The following NOCT variants were observed in gnomAD, a reference collection of about 807,000 sequenced individuals.
The protein encoded by NOCT is CCR4 carbon catabolite repression 4-like.
NOCT carries 18 observed loss-of-function variants against 35.0 expected under a neutral mutation model. The ratio of observed to expected loss-of-function variants is 0.51; its 90% confidence interval spans 0.36 to 0.76. The LOEUF is 0.76. Among genes scored for constraint, NOCT ranks in the 30% least tolerant of loss-of-function variants. NOCT has a pLI of 0.01. For synonymous variants in NOCT, 235 were observed against 226.3 expected, an observed-to-expected ratio of 1.04 and a Z score of -0.34; for missense variants, 479 against 541.0, an observed-to-expected ratio of 0.89 and a Z score of 1.14.
intron 1 of NOCT, among the ~76,000 whole-genome samples, chr4:139,029,674 CGA>C (rs1451476729): frequency 6.6e-6 from 1 of 152,102 alleles, no homozygotes; most frequent in Non-Finnish European, 1.5e-5. Flanking sequence ...AGGCGGGTCT[CGA>C]GTTCCTGGGC....
intron 1 of NOCT, among the ~76,000 whole-genome samples, chr4:139,042,635 G>A (rs1451577065): frequency 6.6e-6 from 1 of 152,138 alleles, no homozygotes; most frequent in Non-Finnish European, 1.5e-5. Flanking sequence ...GGCTTTATAC[G>A]CCGGGCGTGG....
At position 139,045,409 on chromosome 4, in the gene NOCT, C is replaced by T. The variant is rs1726916296; in HGVS notation, c.1231C>T (p.Pro411Ser). ...GPNRLPSFNY[P>S]SDHLSLVCDF... ...CAACAGGTTACCTTCCTTCAATTAT[C>T]CTTCAGACCACCTGTCTCTAGTGTG... Residue 411 changes from proline (P) to serine (S), a missense_variant, in exon 3 of 3, where the codon CCT becomes TCT. Coordinates refer to ENST00000280614, the MANE Select transcript of NOCT (RefSeq NM_012118.4). The T allele has an allele frequency of 6.2e-7, 1 of 1,613,642 alleles. No homozygotes were observed. The highest frequency in any genetic ancestry group is 1.3e-5 in the African/African-American group (1 of 74,842).
At position 139,018,910 on chromosome 4, in the gene NOCT, T is replaced by C. The variant is rs559081085; in HGVS notation, c.190+2739T>C. ...TGGAAGAGATTACTATAAAGCGTTT[T>C]GTTTGGAAAAAGCAGGAGTAAATGC... On this transcript the variant is annotated intron_variant, in intron 1 of 2. Transcript: ENST00000280614. Among the ~76,000 whole-genome samples, 16 of 152,278 alleles carry C rather than the reference T, an allele frequency of 1.1e-4. 1 individual carries two copies. Among genetic ancestry groups the C allele is most frequent in the African/African-American group, 3.6e-4 (15 of 41,568 alleles).
Position 139,037,260 on chromosome 4 carries a change from C to T in NOCT, c.191-5814C>T, listed in dbSNP as rs115841479. On this transcript the variant is annotated intron_variant, in intron 1 of 2. Transcript: ENST00000280614. ...GTAGCCCAATGATATCTTTCTCAGACGTGCTCATCTACAGTGAAACAAGTA... is the reference window on the plus strand; with the variant it reads ...GTAGCCCAATGATATCTTTCTCAGATGTGCTCATCTACAGTGAAACAAGTA... Among the ~76,000 whole-genome samples the T allele has an allele frequency of 5.5e-3, 831 of 152,266 alleles. 8 individuals carry two copies. The highest frequency in any genetic ancestry group is 0.019 in the African/African-American group (795 of 41,538).
intron 1 of NOCT, among the ~76,000 whole-genome samples, chr4:139,036,171 GAT>G (rs1726735129): frequency 6.6e-6 from 1 of 152,174 alleles, no homozygotes; most frequent in African/African-American, 2.4e-5. Context: ...CATGAGGGCA[GAT>G]ACTCATCTGT....
chr4:139,044,585 C>T, intron 2 of NOCT, 54 bp from the exon 3 acceptor site: 1 of 1,178,016 alleles, frequency 8.5e-7, no homozygotes, highest in South Asian at 1.4e-5. Context: ...CTCCTGGGTA[C>T]TTTGAAGTCA....
intron 1 of NOCT, among the ~76,000 whole-genome samples, chr4:139,023,820 A>G (rs1726464888): frequency 6.6e-6 from 1 of 152,092 alleles, no homozygotes; most frequent in African/African-American, 2.4e-5. Context: ...GACCATTGTG[A>G]GTATTGATTA....
chr4:139,045,509 AT>A lies in NOCT; in HGVS notation c.*60del, dbSNP rs546346607. The A allele has an allele frequency of 0.024, 9,022 of 371,812 alleles. No homozygotes were observed. Among genetic ancestry groups the A allele is most frequent in the Middle Eastern group, 0.033 (43 of 1,294 alleles). The allele number at this position is 371,812 out of a possible 1,614,324, so 23.0% of individuals were successfully genotyped here. ...TTTGTCTTTTTAATCACAGGAGTCT[AT>A]TTTTTTTTTTTTTTTTTTTTTTTTG... On this transcript the variant is annotated 3_prime_UTR_variant, in exon 3 of 3. Coordinates refer to ENST00000280614, the MANE Select transcript of NOCT (RefSeq NM_012118.4).
At chr4:139,040,964 A>T (rs1284957804) in intron 1 of NOCT, among the ~76,000 whole-genome samples, 1 of 152,158 alleles carries the variant, frequency 6.6e-6, no homozygotes, top group African/African-American at 2.4e-5. Flanking sequence ...GCCATGAAGA[A>T]AATTTCTTCC....
At chr4:139,021,651 T>C (rs1487689195) in intron 1 of NOCT, among the ~76,000 whole-genome samples, 1 of 152,116 alleles carries the variant, frequency 6.6e-6, no homozygotes, top group Non-Finnish European at 1.5e-5. Flanking sequence ...TTCTATGATG[T>C]TTACTAAAAG....
intron 1 of NOCT, among the ~76,000 whole-genome samples, chr4:139,031,630 A>G (rs1726626338): frequency 6.6e-6 from 1 of 152,062 alleles, no homozygotes; most frequent in Non-Finnish European, 1.5e-5. Context: ...ATCTGCCTAG[A>G]TTGCTTTAGT....
intron 2 of NOCT, among the ~76,000 whole-genome samples, chr4:139,044,240 T>A (rs537335121): frequency 6.4e-5 from 9 of 141,410 alleles, no homozygotes; most frequent in African/African-American, 2.4e-4. Flanking sequence ...CCATTCATTC[T>A]GAGTAGTGTC....
intron 1 of NOCT, among the ~76,000 whole-genome samples, chr4:139,025,689 A>G (rs1726499480): frequency 6.6e-6 from 1 of 151,998 alleles, no homozygotes; most frequent in Non-Finnish European, 1.5e-5. Flanking sequence ...TAATCCCATC[A>G]GCGACTCAGA....
At chr4:139,041,214 T>C (rs1254465934) in intron 1 of NOCT, among the ~76,000 whole-genome samples, 1 of 152,214 alleles carries the variant, frequency 6.6e-6, no homozygotes, top group African/African-American at 2.4e-5. Flanking sequence ...TGCATCCTCA[T>C]TGACCTTAAT....
intron 1 of NOCT, among the ~76,000 whole-genome samples, chr4:139,018,897 C>T (rs949940257): frequency 6.6e-6 from 1 of 152,064 alleles, no homozygotes; most frequent in African/African-American, 2.4e-5. Context: ...GAAGAGATTA[C>T]TATAAAGCGT....
rs936098728 is a variant in NOCT at position 139,016,109 on chromosome 4, C to T, written c.128C>T (p.Ser43Phe). The T allele has an allele frequency of 1.2e-4, 156 of 1,319,164 alleles. No homozygotes were observed. The highest frequency in any genetic ancestry group is 5.4e-4 in the Admixed American group (17 of 31,642). 81.7% of individuals were successfully genotyped at this position (1,319,164 alleles called of 1,614,324 possible). ...SPPAAVPRPA[S>F]PRLLAAASAA... Reference sequence around the variant, plus strand: ...CCGGCTGCTGTTCCCAGGCCCGCATCCCCCCGGCTGCTGGCGGCGGCCTCG... The same window carrying T: ...CCGGCTGCTGTTCCCAGGCCCGCATTCCCCCGGCTGCTGGCGGCGGCCTCG... The change falls in exon 1 of 3, where the codon TCC (serine) becomes TTC (phenylalanine). Residue 43 changes from serine (S) to phenylalanine (F), a missense_variant. Physicochemically the swap from Ser to Phe is radical, Grantham distance 155. Transcript: ENST00000280614.
At chr4:139,040,831 A>G (rs2148647197) in intron 1 of NOCT, among the ~76,000 whole-genome samples, 1 of 152,204 alleles carries the variant, frequency 6.6e-6, no homozygotes, top group South Asian at 2.1e-4. Flanking sequence ...GGTGATGCTG[A>G]TATTGCTGAT....
intron 1 of NOCT, among the ~76,000 whole-genome samples, chr4:139,032,270 G>A (rs1255796176): frequency 6.6e-6 from 1 of 152,164 alleles, no homozygotes; most frequent in African/African-American, 2.4e-5. Flanking sequence ...AGGGGGATGG[G>A]GTGATGTTGC....
chr4:139,022,958 G>T (rs1726442669), intron 1 of NOCT, among the ~76,000 whole-genome samples: 1 of 152,044 alleles, frequency 6.6e-6, no homozygotes, highest in African/African-American at 2.4e-5. Flanking sequence ...AAATTAGCCG[G>T]GTGTTGGTGG....
Sources: allele counts gnomAD v4.1 joint callset (sites outside exome capture counted in the v4.1 genomes callset), GRCh38; gene constraint gnomAD v4.1.1; transcripts MANE v1.5; gene names NCBI Gene and HGNC (gene_info 2026-07-23, HGNC 2026-07-21).